PHF3: variants seen among roughly 807,000 people sequenced by gnomAD.
PHF3 encodes PHD finger protein 3.
In PHF3, 41 loss-of-function variants were observed where a neutral mutation model predicts 178.4. The observed-to-expected ratio is 0.23, with a 90% confidence interval of 0.18 to 0.30. The LOEUF is 0.30. PHF3 is among the 10% of genes least tolerant of loss of function. The probability of loss-of-function intolerance (pLI) is 1.00; values close to 1 mark genes in which losing one functional copy is unlikely to be tolerated. For missense variants in PHF3, 2,346 were observed against 2,398.1 expected, an observed-to-expected ratio of 0.98 and a Z score of 0.45; for synonymous variants, 842 against 800.5, an observed-to-expected ratio of 1.05 and a Z score of -0.88.
At position 63,702,727 on chromosome 6, in the gene PHF3, G is replaced by T. The variant is rs528683478; in HGVS notation, c.3231+88G>T. On this transcript the variant is annotated intron_variant, in intron 10 of 15. Transcript: ENST00000262043. ...CCTAATGTTTTTAAAGTAGAGAAAA[G>T]AATTTTAAAATATGCATCCATTTAA... 140 of 1,353,732 alleles carry T rather than the reference G, an allele frequency of 1.0e-4. No individual in the cohort carries two copies. In the African/African-American group the frequency reaches 1.9e-3, roughly 18 times the overall value. The allele number at this position is 1,353,732 out of a possible 1,614,324, so 83.9% of individuals were successfully genotyped here.
chr6:63,676,228 A>G (rs1193947914), intron 2 of PHF3, among the ~76,000 whole-genome samples: 2 of 152,170 alleles, frequency 1.3e-5, no homozygotes, highest in African/African-American at 4.8e-5. Flanking sequence ...AATACCTACT[A>G]TACACAAGGT....
At chr6:63,670,915 T>G (rs1040464467) in intron 2 of PHF3, among the ~76,000 whole-genome samples, 7 of 152,172 alleles carry the variant, frequency 4.6e-5, no homozygotes, top group African/African-American at 1.7e-4. Flanking sequence ...TTTCCTGGCC[T>G]CTTTTACTGA....
chr6:63,689,917 A>G (rs1382848307), intron 4 of PHF3, among the ~76,000 whole-genome samples: 1 of 152,204 alleles, frequency 6.6e-6, no homozygotes, highest in Admixed American at 6.5e-5. Flanking sequence ...TTGTGGAAGT[A>G]AAGGGAAATC....
In PHF3 at chr6:63,712,843, A is replaced by G; in HGVS notation, c.5255A>G (p.His1752Arg). Residue 1752 changes from histidine to arginine, a missense_variant, in exon 16 of 16, where the codon CAC becomes CGC. By Grantham distance (29) the His-to-Arg change is conservative. This residue lies in a region of PHF3 where 839 missense variants were observed against 806.9 expected (regional missense o/e 1.04). Transcript: ENST00000262043. ...TTAATGCAAAATATTGAAACTGTGC[A>G]CCCATTTCGAAGAGGATCAGCAGTA... ...DILMQNIETVHPFRRGSAVAT... is the reference protein window; with the variant it reads ...DILMQNIETVRPFRRGSAVAT... 1.2e-6 allele frequency: 2 copies of G among 1,614,066 alleles called. No individual in the cohort carries two copies. The highest frequency in any genetic ancestry group is 1.7e-6 in the Non-Finnish European group (2 of 1,179,972).
At chr6:63,692,101 C>A in intron 5 of PHF3, 58 bp downstream of exon 5, 1 of 1,199,884 alleles carries the variant, frequency 8.3e-7, no homozygotes. Context: ...TATGGACTGA[C>A]TGCAATAATT....
At chr6:63,707,400 A>G (rs1353438427) in intron 13 of PHF3, among the ~76,000 whole-genome samples, 2 of 152,210 alleles carry the variant, frequency 1.3e-5, no homozygotes, top group East Asian at 1.9e-4. Flanking sequence ...GCTGCAAGTG[A>G]TACCCTTGGT....
At chr6:63,636,201 C>G in intron 1 of PHF3, 51 bp downstream of exon 1, 1 of 368,190 alleles carries the variant, frequency 2.7e-6, no homozygotes, top group Non-Finnish European at 4.8e-6. Flanking sequence ...CCTCCCCTCC[C>G]CCATCCCCTT....
chr6:63,694,587 G>C lies in PHF3; in HGVS notation c.2503G>C (p.Gly835Arg). 6.7e-7 allele frequency: 1 copy of C among 1,501,828 alleles called. No individual in the cohort carries two copies. The highest frequency in any genetic ancestry group is 2.5e-5 in the East Asian group (1 of 40,244). The allele number at this position is 1,501,828 out of a possible 1,614,324, so 93.0% of individuals were successfully genotyped here. ...TTAAGTACTCATTTTCCAGGAGTCT[G>C]GTGAAGGCAGAAATTCATCAGACTG... Reference protein sequence around the residue: ...HKVKILKRESGEGRNSSDCRD... With the variant: ...HKVKILKRESREGRNSSDCRD... The change falls in exon 6 of 16, where the codon GGT becomes CGT. Residue 835 changes from glycine to arginine, a missense_variant. Coordinates refer to ENST00000262043, the MANE Select transcript of PHF3 (RefSeq NM_001370348.2).
At chr6:63,660,415 T>TCCAA (rs1419451767) in intron 2 of PHF3, among the ~76,000 whole-genome samples, 2 of 152,024 alleles carry the variant, frequency 1.3e-5, no homozygotes, top group Non-Finnish European at 2.9e-5. Context: ...GGAATAAACA[T>TCCAA]TAACTTGGAT....
At position 63,719,026 on chromosome 6, in the gene PHF3, T is replaced by TA. The variant is rs773614064; in HGVS notation, c.*5325dup. Among the ~76,000 whole-genome samples, 5 of 152,074 alleles carry TA rather than the reference T, an allele frequency of 3.3e-5. No homozygotes were observed. Among genetic ancestry groups the TA allele is most frequent in the East Asian group, 3.9e-4 (2 of 5,172 alleles). On this transcript the variant is annotated 3_prime_UTR_variant, in exon 16 of 16. Coordinates refer to ENST00000262043, the MANE Select transcript of PHF3 (RefSeq NM_001370348.2). ...TGGAGTTGTTTTAAGTGGTTTCCGT[T>TA]AAAAAAACAAACCTTTGAATCAATG... is the stretch of plus-strand genomic sequence containing the variant.
chr6:63,706,766 T>G lies in PHF3; in HGVS notation c.3601T>G (p.Phe1201Val). ...MPGTVEVEST[F>V]LARLNFIWKG... ...TGGAACTGTTGAAGTTGAGTCTACC[T>G]TTCTGGCTCGATTGAACTTCATCTG... is the stretch of plus-strand genomic sequence containing the variant. The change falls in exon 13 of 16, where the codon TTT (phenylalanine) becomes GTT (valine). Residue 1201 changes from phenylalanine to valine, a missense_variant. Phe to Val is a conservative substitution (Grantham distance 50). Coordinates refer to ENST00000262043, the MANE Select transcript of PHF3 (RefSeq NM_001370348.2). The G allele has an allele frequency of 6.2e-7, 1 of 1,614,024 alleles. No individual in the cohort carries two copies. Among genetic ancestry groups the G allele is most frequent in the Non-Finnish European group, 8.5e-7 (1 of 1,179,926 alleles).
At chr6:63,639,308 C>A (rs1016453792) in intron 1 of PHF3, among the ~76,000 whole-genome samples, 15 of 152,000 alleles carry the variant, frequency 9.9e-5, no homozygotes, top group African/African-American at 3.6e-4. Flanking sequence ...CATTTTAATT[C>A]GTTTGTAATT....
intron 2 of PHF3, among the ~76,000 whole-genome samples, chr6:63,672,902 A>G (rs1312169645): frequency 1.3e-5 from 2 of 152,182 alleles, no homozygotes; most frequent in Non-Finnish European, 2.9e-5. Context: ...TCTGTACCTC[A>G]CTGCCGATTT....
chr6:63,717,770 G>A lies in PHF3; in HGVS notation c.*4062G>A, dbSNP rs978220287. Among the ~76,000 whole-genome samples the A allele has an allele frequency of 6.6e-5, 10 of 151,928 alleles. No individual in the cohort carries two copies. Among genetic ancestry groups the A allele is most frequent in the African/African-American group, 2.2e-4 (9 of 41,382 alleles). On this transcript the variant is annotated 3_prime_UTR_variant, in exon 16 of 16. Transcript: ENST00000262043. Reference sequence around the variant, plus strand: ...TCCATGTGTGTATATATACATATATGTTAGCCCAAGCTGTCTTTTAAAACT... The same window carrying A: ...TCCATGTGTGTATATATACATATATATTAGCCCAAGCTGTCTTTTAAAACT...
At chr6:63,636,237 C>G (rs1014163872) in intron 1 of PHF3, 87 bp downstream of exon 1, 21 of 311,670 alleles carry the variant, frequency 6.7e-5, no homozygotes, top group Non-Finnish European at 1.1e-4. Flanking sequence ...CTCCGCGGGC[C>G]TCTCCGCCCC....
chr6:63,653,905 C>T (rs1230935538), intron 2 of PHF3, among the ~76,000 whole-genome samples: 1 of 152,030 alleles, frequency 6.6e-6, no homozygotes, highest in East Asian at 1.9e-4. Flanking sequence ...TGTTTTTGTT[C>T]TTCATTCTGT....
intron 2 of PHF3, among the ~76,000 whole-genome samples, chr6:63,674,254 A>G (rs1229431842): frequency 1.4e-5 from 1 of 70,580 alleles, no homozygotes; most frequent in Admixed American, 1.4e-4. Context: ...TTGGAGAGAC[A>G]TTTGATGATA....
In PHF3 at chr6:63,723,650, C is replaced by G. The variant is rs1009192205; in HGVS notation, c.*9942C>G. On this transcript the variant is annotated 3_prime_UTR_variant, in exon 16 of 16. Transcript: ENST00000262043. ...ATTATTTTAACTCAGCTAGTATGTT[C>G]TTACGAAAAATTGACAAAAAGTTTT... 1.3e-5 allele frequency among the ~76,000 whole-genome samples: 2 copies of G among 151,434 alleles called. No individual in the cohort carries two copies. The highest frequency in any genetic ancestry group is 2.4e-5 in the African/African-American group (1 of 40,914).
chr6:63,712,846 C>G lies in PHF3; in HGVS notation c.5258C>G (p.Pro1753Arg), dbSNP rs752048360. 6.2e-7 allele frequency: 1 copy of G among 1,614,018 alleles called. No homozygotes were observed. Among genetic ancestry groups the G allele is most frequent in the Admixed American group, 1.7e-5 (1 of 60,000 alleles). ...ATGCAAAATATTGAAACTGTGCACC[C>G]ATTTCGAAGAGGATCAGCAGTAGCG... ...ILMQNIETVH[P>R]FRRGSAVATS... The change falls in exon 16 of 16, where the codon CCA becomes CGA. Residue 1753 changes from proline (P) to arginine (R), a missense_variant. This residue lies in a region of PHF3 where 839 missense variants were observed against 806.9 expected (regional missense o/e 1.04). Transcript: ENST00000262043.
Sources: gnomAD v4.1 joint callset for allele counts (sites outside exome capture counted in the v4.1 genomes callset) on GRCh38, gnomAD v4.1.1 for gene constraint, gnomAD v4.1.1 regional missense constraint, MANE v1.5 for transcripts, NCBI Gene and HGNC (gene_info 2026-07-23, HGNC 2026-07-21) for gene names.